MACF1: variants seen among roughly 807,000 people sequenced by gnomAD.
MACF1 encodes the protein microtubule-actin cross-linking factor 1.
In MACF1, 193 loss-of-function variants were observed where a neutral mutation model predicts 854.8. The ratio of observed to expected loss-of-function variants is 0.23; its 90% CI spans 0.20 to 0.25. The LOEUF is 0.25. Ranked by LOEUF, MACF1 falls within the 10% of genes least tolerant of loss-of-function variation. The pLI is 1.00. For synonymous variants in MACF1, 3,185 were observed against 3,226.7 expected (o/e 0.99, Z 0.44); for missense variants, 7,722 against 8,929.1 (o/e 0.86, Z 5.45).
intron 1 of MACF1, among the ~76,000 whole-genome samples, chr1:39,212,438 A>G (rs553560): frequency 0.029 from 4,430 of 152,170 alleles, 168 homozygotes; most frequent in African/African-American, 0.088. Flanking sequence ...CAGTGCCGTT[A>G]GGAGAAATAG....
In MACF1 at chr1:39,435,654, A is replaced by G; in HGVS notation, c.17881A>G (p.Met5961Val). 2 of 1,614,188 alleles carry G rather than the reference A, an allele frequency of 1.2e-6. No homozygotes were observed. The highest frequency in any genetic ancestry group is 8.5e-7 in the Non-Finnish European group (1 of 1,180,010). ...GGAATTAAACCCTGAGGAAGGGGAA[A>G]TGGTGGAAGAAAAATACCAGAAAGC... ...LKELNPEEGE[M>V]VEEKYQKAEN... The change falls in exon 70 of 101, where the codon ATG becomes GTG. Residue 5961 changes from methionine to valine, a missense_variant. Coordinates refer to ENST00000564288, the MANE Select transcript of MACF1 (RefSeq NM_001394062.1).
At chr1:39,186,437 A>C (rs1644175515) in intron 2 of MACF1, among the ~76,000 whole-genome samples, 1 of 151,488 alleles carries the variant, frequency 6.6e-6, no homozygotes, top group African/African-American at 2.4e-5. Flanking sequence ...CGGCCTAGAA[A>C]TGACTTTTTT....
intron 48 of MACF1, 89 bp from the exon 49 acceptor site, chr1:39,361,271 C>T (rs565291399): frequency 1.5e-6 from 2 of 1,312,762 alleles, no homozygotes; most frequent in African/African-American, 1.5e-5. Context: ...TCCAGTCCCC[C>T]TTGTGAGATA....
chr1:39,382,027 G>T lies in MACF1; in HGVS notation c.13723G>T (p.Ala4575Ser). 3 of 1,614,138 alleles carry T rather than the reference G, an allele frequency of 1.9e-6. No individual in the cohort carries two copies. The highest frequency in any genetic ancestry group is 2.5e-6 in the Non-Finnish European group (3 of 1,180,036). Residue 4575 changes from alanine (A) to serine (S), a missense_variant, in exon 56 of 101, where the codon GCC becomes TCC. Coordinates refer to ENST00000564288, the MANE Select transcript of MACF1 (RefSeq NM_001394062.1). Reference sequence around the variant, plus strand: ...GCTAGAGGAATCTGCAAGTCATCTGGCCTGCTTCCAGGCTGCAGAATCCCA... The same window carrying T: ...GCTAGAGGAATCTGCAAGTCATCTGTCCTGCTTCCAGGCTGCAGAATCCCA... ...RQLEESASHL[A>S]CFQAAESQLR...
At chr1:39,254,143 T>TGGTCCTAAGACCAG in intron 4 of MACF1, 155 bp from the exon 5 acceptor site, 1 of 633,044 alleles carries the variant, frequency 1.6e-6, no homozygotes, top group Non-Finnish European at 2.8e-6. Context: ...CGTACAGGCC[T>TGGTCCTAAGACCAG]GGTCTTAGGG....
Position 39,316,470 on chromosome 1 carries a change from C to A in MACF1, c.3529C>A (p.Gln1177Lys), listed in dbSNP as rs1214557237. The A allele has an allele frequency of 6.2e-7, 1 of 1,613,732 alleles. No homozygotes were observed. Among genetic ancestry groups the A allele is most frequent in the Non-Finnish European group, 8.5e-7 (1 of 1,179,862 alleles). The change falls in exon 28 of 101, where the codon CAA (glutamine) becomes AAA (lysine). Residue 1177 changes from glutamine (Q) to lysine (K), a missense_variant. Gln to Lys is a moderately conservative substitution (Grantham distance 53). This residue lies in a region of MACF1 where 1,137 missense variants were observed against 1,263.0 expected (regional missense o/e 0.90). Transcript: ENST00000564288. ...CAAAGGTTATGAGATTAAGCTGAGT[C>A]AAGAAGAAGTAGTACTGGCAGATCT... ...LVKGYEIKLS[Q>K]EEVVLADLSA...
At chr1:39,286,295 T>C (rs1042877166) in intron 14 of MACF1, among the ~76,000 whole-genome samples, 1 of 152,050 alleles carries the variant, frequency 6.6e-6, no homozygotes, top group Non-Finnish European at 1.5e-5. Flanking sequence ...ATTATAGGCG[T>C]GAACCACTAT....
At chr1:39,303,520 A>G (rs1284377811) in intron 23 of MACF1, among the ~76,000 whole-genome samples, 4 of 151,440 alleles carry the variant, frequency 2.6e-5, no homozygotes, top group African/African-American at 9.7e-5. Context: ...ACTGCACTCT[A>G]GCTGCCTGGG....
At chr1:39,428,613 T>C (rs1409315641) in intron 63 of MACF1, among the ~76,000 whole-genome samples, 1 of 152,234 alleles carries the variant, frequency 6.6e-6, no homozygotes, top group East Asian at 1.9e-4. Flanking sequence ...TGAAAGATAA[T>C]GTGCTTTAAC....
Position 39,287,391 on chromosome 1 carries a change from A to T in MACF1, c.1614A>T (p.Leu538Phe). 2 of 1,614,030 alleles carry T rather than the reference A, an allele frequency of 1.2e-6. No homozygotes were observed. Among genetic ancestry groups the T allele is most frequent in the Non-Finnish European group, 1.7e-6 (2 of 1,179,992 alleles). Residue 538 changes from leucine (L) to phenylalanine (F), a missense_variant, in exon 15 of 101, where the codon TTA becomes TTT. By Grantham distance (22) the Leu-to-Phe change is conservative. Transcript: ENST00000564288. Reference protein sequence around the residue: ...TSLELVPPSTLTTTHLKAEPL... With the variant: ...TSLELVPPSTFTTTHLKAEPL... The stretch of plus-strand genomic sequence containing the variant: ...TTGAATTGGTTCCACCCTCTACTTT[A>T]ACCACCACTCATCTGAAAGCAGAAC...
rs1649335402 is a variant in MACF1, at chr1:39,372,466, C to T, written c.13096-13C>T. 6.5e-6 allele frequency: 10 copies of T among 1,547,486 alleles called. No individual in the cohort carries two copies. The highest frequency in any genetic ancestry group is 8.9e-6 in the Non-Finnish European group (10 of 1,121,308). On this transcript the variant is annotated splice_polypyrimidine_tract_variant and intron_variant, in intron 51 of 100. Coordinates refer to ENST00000564288, the MANE Select transcript of MACF1 (RefSeq NM_001394062.1). ...CCCAGATACTACATTTGGCCATTTT[C>T]TTCTTTAAACAGAGTCTACTAGATG...
chr1:39,454,930 C>T lies in MACF1; in HGVS notation c.20908C>T (p.His6970Tyr). The T allele has an allele frequency of 6.2e-7, 1 of 1,614,074 alleles. No homozygotes were observed. The highest frequency in any genetic ancestry group is 8.5e-7 in the Non-Finnish European group (1 of 1,179,954). ...ACAGGTCCTGACATGGGCTAAGCAG[C>T]ACCAGCAGCGTCTTGAAACGGCCTT... ...FEEVLTWAKQ[H>Y]QQRLETALSE... The change falls in exon 89 of 101, where the codon CAC becomes TAC. Residue 6970 changes from histidine to tyrosine, a missense_variant. Physicochemically the swap from His to Tyr is moderately conservative, Grantham distance 83. Around this residue, in one of 15 missense-constraint regions of MACF1, gnomAD observed 729 missense variants for 900.5 expected, o/e 0.81. Transcript: ENST00000564288.
chr1:39,291,229 A>G (rs1340152056), intron 15 of MACF1, among the ~76,000 whole-genome samples: 26 of 151,242 alleles, frequency 1.7e-4, no homozygotes, highest in African/African-American at 6.1e-4. Flanking sequence ...CACCTGCCTC[A>G]GCCCCCCAAA....
At chr1:39,413,372 C>A in intron 58 of MACF1, 2 of 1,409,284 alleles carry the variant, frequency 1.4e-6, no homozygotes, top group African/African-American at 1.8e-5. Flanking sequence ...GTGCCCCCCC[C>A]AGAGGAGCCC....
At chr1:39,095,219 G>A (rs897191724) in intron 2 of MACF1, among the ~76,000 whole-genome samples, 2 of 152,114 alleles carry the variant, frequency 1.3e-5, no homozygotes, top group African/African-American at 4.8e-5. Flanking sequence ...TTCCCCCAGG[G>A]TATGGGGCAA....
chr1:39,401,874 A>C (rs1298892562), intron 58 of MACF1, among the ~76,000 whole-genome samples: 1 of 152,208 alleles, frequency 6.6e-6, no homozygotes. Flanking sequence ...GGTTTTTAGA[A>C]ATCTCTTCTC....
At chr1:39,437,662 T>C in intron 70 of MACF1, 115 bp from the exon 71 acceptor site, 1 of 917,276 alleles carries the variant, frequency 1.1e-6, no homozygotes, top group Non-Finnish European at 1.8e-6. Flanking sequence ...TGGGCTAAAC[T>C]GAGCACAGGT....
At chr1:39,266,566 C>A (rs1379172179) in intron 6 of MACF1, among the ~76,000 whole-genome samples, 1 of 85,414 alleles carries the variant, frequency 1.2e-5, no homozygotes, top group Non-Finnish European at 2.4e-5. Context: ...TTTAGGGCTT[C>A]TTGTTGCTTT....
Position 39,324,639 on chromosome 1 carries a change from C to A in MACF1, c.4390-7C>A. On this transcript the variant is annotated splice_region_variant and splice_polypyrimidine_tract_variant and intron_variant, in intron 34 of 100. Transcript: ENST00000564288. ...TGAAGCTTTTTCTCTTTATTTCTAC[C>A]ATGTAGGTTCTGTCAGAAGAGCTGA... 6.2e-7 allele frequency: 1 copy of A among 1,601,382 alleles called. No homozygotes were observed. The highest frequency in any genetic ancestry group is 8.5e-7 in the Non-Finnish European group (1 of 1,173,014).
Sources: gnomAD v4.1 joint callset for allele counts (sites outside exome capture counted in the v4.1 genomes callset) on GRCh38, gnomAD v4.1.1 for gene constraint, gnomAD v4.1.1 regional missense constraint, MANE v1.5 for transcripts, NCBI Gene and HGNC (gene_info 2026-07-23, HGNC 2026-07-21) for gene names.